The following MYO1D variants were observed in gnomAD, a reference collection of about 807,000 sequenced individuals.
The protein encoded by MYO1D is myosin ID.
In MYO1D, 83 loss-of-function variants were observed where a neutral mutation model predicts 122.0. That is an observed-to-expected ratio of 0.68 (90% CI 0.57 to 0.82). The LOEUF (loss-of-function observed/expected upper bound fraction) is 0.82, where lower values mean the gene tolerates loss of function less well. MYO1D is among the 40% of genes least tolerant of loss of function. The pLI, the probability that MYO1D is intolerant of heterozygous loss-of-function variation, is 0.00. For synonymous variants in MYO1D, 464 were observed against 446.9 expected (o/e 1.04, Z -0.48); for missense variants, 1,157 against 1,269.5 (o/e 0.91, Z 1.35).
At position 32,822,552 on chromosome 17, in the gene MYO1D, G is replaced by C. The variant is rs533874049; in HGVS notation, c.96-41768C>G. 9.0e-4 allele frequency among the ~76,000 whole-genome samples: 135 copies of C among 150,252 alleles called. 1 individual carries two copies. The highest frequency in any genetic ancestry group is 3.2e-3 in the African/African-American group (133 of 41,354). ...TCCCCGTTCACTGCCGGGGCGGCTCGGGACGGGGCCCGGGGAGCGTGGGTG... is the reference window on the plus strand; with the variant it reads ...TCCCCGTTCACTGCCGGGGCGGCTCCGGACGGGGCCCGGGGAGCGTGGGTG... On this transcript the variant is annotated intron_variant, in intron 1 of 21. Coordinates refer to ENST00000318217, the MANE Select transcript of MYO1D (RefSeq NM_015194.3).
At chr17:32,634,747 G>A (rs2088074246) in intron 20 of MYO1D, among the ~76,000 whole-genome samples, 1 of 152,194 alleles carries the variant, frequency 6.6e-6, no homozygotes, top group South Asian at 2.1e-4. Context: ...GACAAAGACT[G>A]GGATGCTGGC....
At chr17:32,824,181 C>A (rs2090701544) in intron 1 of MYO1D, among the ~76,000 whole-genome samples, 1 of 151,198 alleles carries the variant, frequency 6.6e-6, no homozygotes, top group Admixed American at 6.6e-5. Flanking sequence ...CCATTAAAAG[C>A]AAGACTCTCA....
At chr17:32,793,583 G>T (rs2090380669) in intron 1 of MYO1D, among the ~76,000 whole-genome samples, 1 of 152,034 alleles carries the variant, frequency 6.6e-6, no homozygotes, top group Non-Finnish European at 1.5e-5. Flanking sequence ...TTCTTAAAAT[G>T]ATTTGGAAAA....
Position 32,659,331 on chromosome 17 carries a change from C to T in MYO1D, c.2129G>A (p.Arg710Gln), listed in dbSNP as rs756021240. 11 of 1,613,920 alleles carry T rather than the reference C, an allele frequency of 6.8e-6. No individual in the cohort carries two copies. In the African/African-American group the frequency reaches 1.5e-4, roughly 22 times the overall value. ...GTACCGCATGCGGGCCAGGGTGCCC[C>T]GCCACACCTTCACAATAGAGAAAGA... is the stretch of plus-strand genomic sequence containing the variant. Reference protein sequence around the residue: ...RIVLFLQKVWRGTLARMRYKR... With the variant: ...RIVLFLQKVWQGTLARMRYKR... The change falls in exon 17 of 22, where the codon CGG becomes CAG. Residue 710 changes from arginine to glutamine, a missense_variant. Transcript: ENST00000318217.
At chr17:32,505,850 G>T (rs561099264) in intron 21 of MYO1D, among the ~76,000 whole-genome samples, 1 of 152,240 alleles carries the variant, frequency 6.6e-6, no homozygotes, top group South Asian at 2.1e-4. Context: ...ACTCTTCAAA[G>T]GGCTGAAGGA....
intron 21 of MYO1D, among the ~76,000 whole-genome samples, chr17:32,536,755 G>C (rs1237299403): frequency 6.6e-6 from 1 of 152,154 alleles, no homozygotes; most frequent in Non-Finnish European, 1.5e-5. Flanking sequence ...CACGGCTGTA[G>C]AATTTTCCAT....
intron 21 of MYO1D, among the ~76,000 whole-genome samples, chr17:32,515,693 C>T (rs73981817): frequency 1.5e-3 from 234 of 152,270 alleles, no homozygotes; most frequent in African/African-American, 5.3e-3. Context: ...GAACCTTGCT[C>T]CCATCCAGGC....
At chr17:32,549,909 A>C (rs1222475952) in intron 21 of MYO1D, among the ~76,000 whole-genome samples, 1 of 152,224 alleles carries the variant, frequency 6.6e-6, no homozygotes, top group African/African-American at 2.4e-5. Flanking sequence ...CAATCCAATG[A>C]AGTTGACACT....
chr17:32,537,197 AC>A (rs1910688947), intron 21 of MYO1D, among the ~76,000 whole-genome samples: 1 of 152,156 alleles, frequency 6.6e-6, no homozygotes, highest in African/African-American at 2.4e-5. Flanking sequence ...AGTATTCAAA[AC>A]CTTCCAAATT....
At chr17:32,757,181 C>G (rs1006896739) in intron 10 of MYO1D, among the ~76,000 whole-genome samples, 37 of 152,146 alleles carry the variant, frequency 2.4e-4, no homozygotes, top group African/African-American at 8.7e-4. Context: ...AGCTCCATTT[C>G]TAGTCTTGCA....
chr17:32,560,446 A>G (rs1284809800), intron 21 of MYO1D, among the ~76,000 whole-genome samples: 1 of 148,680 alleles, frequency 6.7e-6, no homozygotes, highest in Non-Finnish European at 1.5e-5. Context: ...AAGAGACAGT[A>G]GTAGTCCACA....
chr17:32,502,574 A>T (rs73981813), intron 21 of MYO1D, among the ~76,000 whole-genome samples: 69 of 152,242 alleles, frequency 4.5e-4, no homozygotes, highest in African/African-American at 1.1e-3. Context: ...ATTTTTTTTT[A>T]AAATGTGGAT....
At chr17:32,581,352 G>A (rs1331958454) in intron 21 of MYO1D, among the ~76,000 whole-genome samples, 1 of 151,916 alleles carries the variant, frequency 6.6e-6, no homozygotes, top group Non-Finnish European at 1.5e-5. Context: ...TACTAGATGT[G>A]TATCAATTTT....
intron 16 of MYO1D, among the ~76,000 whole-genome samples, chr17:32,678,604 C>G (rs1037942941): frequency 1.9e-4 from 29 of 151,602 alleles, no homozygotes; most frequent in African/African-American, 7.0e-4. Flanking sequence ...TTTTTTATGG[C>G]TGCATAGTAT....
intron 19 of MYO1D, among the ~76,000 whole-genome samples, chr17:32,644,194 AG>A (rs1172037744): frequency 6.6e-6 from 1 of 152,098 alleles, no homozygotes; most frequent in Non-Finnish European, 1.5e-5. Context: ...ATTCAGGAGC[AG>A]GTTGTTCAGT....
intron 21 of MYO1D, among the ~76,000 whole-genome samples, chr17:32,576,720 A>C (rs2087281873): frequency 6.6e-6 from 1 of 152,214 alleles, no homozygotes; most frequent in Non-Finnish European, 1.5e-5. Context: ...CAGTGGCATG[A>C]TCATAGCTCC....
intron 1 of MYO1D, among the ~76,000 whole-genome samples, chr17:32,798,026 T>C (rs1053441030): frequency 2.6e-5 from 4 of 152,338 alleles, no homozygotes; most frequent in East Asian, 3.9e-4. Context: ...CATTTAACCA[T>C]CATCTCTACT....
chr17:32,531,620 C>T (rs1000256111), intron 21 of MYO1D: 9 of 152,224 alleles, frequency 5.9e-5, no homozygotes, highest in Non-Finnish European at 1.3e-4. Context: ...GGCATCAGCT[C>T]TGCATTCAGA....
intron 4 of MYO1D, 32 bp from the exon 5 acceptor site, chr17:32,772,874 GA>G: frequency 1.3e-6 from 2 of 1,585,454 alleles, no homozygotes; most frequent in Non-Finnish European, 1.7e-6. Flanking sequence ...TGGTTAACCC[GA>G]AAATGTGCCC....
Sources: allele counts gnomAD v4.1 joint callset (sites outside exome capture counted in the v4.1 genomes callset), GRCh38; gene constraint gnomAD v4.1.1; transcripts MANE v1.5; gene names NCBI Gene and HGNC (gene_info 2026-07-23, HGNC 2026-07-21).